The following GKAP1 variants were observed in gnomAD, a reference collection of about 807,000 sequenced individuals.
The protein encoded by GKAP1 is G kinase-anchoring protein 1.
Under a neutral mutation model 56.7 loss-of-function variants are expected in GKAP1, and 31 were observed. The observed-to-expected ratio is 0.55, with a 90% CI of 0.41 to 0.74. GKAP1 has a LOEUF of 0.74. Ranked by LOEUF, GKAP1 falls within the 30% of genes least tolerant of loss-of-function variation. The probability of loss-of-function intolerance (pLI) is 0.00; values close to 1 mark genes in which losing one functional copy is unlikely to be tolerated. For missense variants in GKAP1, 364 were observed against 402.3 expected, an observed-to-expected ratio of 0.90 and a Z score of 0.82; for synonymous variants, 151 against 138.6, an observed-to-expected ratio of 1.09 and a Z score of -0.63.
At chr9:83,816,960 G>C (rs1030772221) in intron 2 of GKAP1, 36 bp downstream of exon 2, 48 of 151,464 alleles carry the variant, frequency 3.2e-4, no homozygotes, top group Middle Eastern at 3.4e-3. Flanking sequence ...CGGGGGAGGA[G>C]GAGGAGCACT....
Position 83,768,887 on chromosome 9 carries a change from T to G in GKAP1, c.669A>C (p.Arg223Ser). 6.2e-7 allele frequency: 1 copy of G among 1,612,156 alleles called. No individual in the cohort carries two copies. Among genetic ancestry groups the G allele is most frequent in the Non-Finnish European group, 8.5e-7 (1 of 1,178,926 alleles). Residue 223 changes from arginine to serine, a missense_variant, in exon 8 of 13, where the codon AGA (arginine) becomes AGC (serine). Transcript: ENST00000376371. The stretch of plus-strand genomic sequence containing the variant: ...CTGTAAGCTGTTCTCTTCGTTTTTC[T>G]CTAATAAGAATTTTATGAACATCAT... ...LEDDVHKILI[R>S]EKRREQLTEY...
intron 9 of GKAP1, among the ~76,000 whole-genome samples, chr9:83,750,809 C>G (rs1943376592): frequency 6.6e-6 from 1 of 152,062 alleles, no homozygotes; most frequent in Admixed American, 6.6e-5. Context: ...CACTTACCTT[C>G]TAAAGATTTT....
In GKAP1 at chr9:83,799,256, G is replaced by T. The variant is rs781224571; in HGVS notation, c.289C>A (p.Pro97Thr). Reference protein sequence around the residue: ...HAVCNAQHDLPLSNPVQKDSR... With the variant: ...HAVCNAQHDLTLSNPVQKDSR... ...TCCTTCTGTACTGGGTTTGACAATGGAAGATCATGTTGAGCGTTACAAACA... is the reference window on the plus strand; with the variant it reads ...TCCTTCTGTACTGGGTTTGACAATGTAAGATCATGTTGAGCGTTACAAACA... The change falls in exon 4 of 13, where the codon CCA (proline) becomes ACA (threonine). Residue 97 changes from proline (P) to threonine (T), a missense_variant. Transcript: ENST00000376371. The T allele has an allele frequency of 6.2e-7, 1 of 1,609,066 alleles. No individual in the cohort carries two copies. The highest frequency in any genetic ancestry group is 8.5e-7 in the Non-Finnish European group (1 of 1,178,294).
At chr9:83,739,942 T>G (rs1943178968) in intron 12 of GKAP1, among the ~76,000 whole-genome samples, 198 bp from the exon 13 acceptor site, 1 of 152,140 alleles carries the variant, frequency 6.6e-6, no homozygotes, top group South Asian at 2.1e-4. Flanking sequence ...TAAGGTTGGT[T>G]TTAGAAAAGT....
At chr9:83,813,391 T>C (rs1944538726) in intron 2 of GKAP1, among the ~76,000 whole-genome samples, 1 of 152,216 alleles carries the variant, frequency 6.6e-6, no homozygotes. Flanking sequence ...AAATCAGGTT[T>C]TTGGTGCAGA....
At chr9:83,811,968 C>A (rs545002974) in intron 2 of GKAP1, among the ~76,000 whole-genome samples, 1 of 151,110 alleles carries the variant, frequency 6.6e-6, no homozygotes, top group Non-Finnish European at 1.5e-5. Context: ...AAAGGTACAA[C>A]GACCAGTACT....
At position 83,751,078 on chromosome 9, in the gene GKAP1, G is replaced by A. The variant is rs559536920; in HGVS notation, c.840+2180C>T. ...TCTTGATCTCCTGACCTCGTGATCC[G>A]CCTGCCCCGGCCTCCCAAAGTGCTG... On this transcript the variant is annotated intron_variant, in intron 9 of 12. Coordinates refer to ENST00000376371, the MANE Select transcript of GKAP1 (RefSeq NM_025211.4). Among the ~76,000 whole-genome samples, 389 of 152,138 alleles carry A rather than the reference G, an allele frequency of 2.6e-3. 3 individuals carry two copies. The highest frequency in any genetic ancestry group is 3.4e-3 in the Middle Eastern group (1 of 294).
intron 8 of GKAP1, 79 bp from the exon 9 acceptor site, chr9:83,753,438 T>A: frequency 1.0e-6 from 1 of 961,484 alleles, no homozygotes; most frequent in Non-Finnish European, 1.6e-6. Context: ...GTGAAAAGTT[T>A]AAGAGGAAAA....
chr9:83,782,167 C>CAAA (rs1943985008), intron 6 of GKAP1, among the ~76,000 whole-genome samples: 1 of 151,084 alleles, frequency 6.6e-6, no homozygotes, highest in African/African-American at 2.4e-5. Flanking sequence ...TTTTAAGAGA[C>CAAA]AAGATCTCAC....
chr9:83,770,648 C>T (rs1943742649), intron 7 of GKAP1, among the ~76,000 whole-genome samples: 1 of 151,916 alleles, frequency 6.6e-6, no homozygotes, highest in Non-Finnish European at 1.5e-5. Flanking sequence ...CCTCTTCCTC[C>T]CAGGCCAGGT....
intron 8 of GKAP1, among the ~76,000 whole-genome samples, chr9:83,762,623 G>C (rs1253562624): frequency 6.6e-6 from 1 of 151,894 alleles, no homozygotes; most frequent in Non-Finnish European, 1.5e-5. Context: ...GAAAACTGAA[G>C]GAATCATGTT....
intron 7 of GKAP1, among the ~76,000 whole-genome samples, chr9:83,774,423 G>A (rs1357342608): frequency 3.3e-5 from 5 of 151,404 alleles, no homozygotes; most frequent in Non-Finnish European, 1.5e-5. Context: ...ACAACATGGC[G>A]AAACCCTGTC....
rs752945922 is a variant in GKAP1, at chr9:83,742,566, A to G, written c.939T>C (p.Asp313=). The G allele has an allele frequency of 1.1e-5, 18 of 1,612,612 alleles. No homozygotes were observed. The highest frequency in any genetic ancestry group is 1.5e-5 in the Non-Finnish European group (18 of 1,179,546). Residue 313 remains aspartate, a synonymous_variant, in exon 11 of 13, where the codon GAT becomes GAC. Transcript: ENST00000376371. ...KDKAEILLQV[D]ESQSIKNELT... is the part of the protein sequence containing the mutation. Reference sequence around the variant, plus strand: ...GCTCATTCTTGATACTTTGTGATTCATCAACTTGCAGAAGTATTTCTGCCT... The same window carrying G: ...GCTCATTCTTGATACTTTGTGATTCGTCAACTTGCAGAAGTATTTCTGCCT...
At chr9:83,804,558 G>A (rs1392856698) in intron 3 of GKAP1, among the ~76,000 whole-genome samples, 6 of 63,772 alleles carry the variant, frequency 9.4e-5, no homozygotes, top group East Asian at 9.9e-4. Flanking sequence ...CAGACGCCCC[G>A]TCCGGGAGGG....
chr9:83,745,072 C>T (rs1437460396), intron 10 of GKAP1, among the ~76,000 whole-genome samples: 1 of 152,198 alleles, frequency 6.6e-6, no homozygotes, highest in African/African-American at 2.4e-5. Context: ...GGGTCTCACT[C>T]TGTTGCCCAG....
intron 8 of GKAP1, among the ~76,000 whole-genome samples, chr9:83,754,815 T>G (rs886285957): frequency 1.3e-5 from 2 of 152,176 alleles, no homozygotes; most frequent in African/African-American, 4.8e-5. Context: ...CTAGGTTAGA[T>G]TTGACTGTGT....
At chr9:83,812,913 T>C (rs1944532111) in intron 2 of GKAP1, among the ~76,000 whole-genome samples, 2 of 152,180 alleles carry the variant, frequency 1.3e-5, no homozygotes, top group South Asian at 4.1e-4. Flanking sequence ...CTACCCTCGT[T>C]AACTAATTTT....
intron 9 of GKAP1, among the ~76,000 whole-genome samples, chr9:83,749,880 T>C (rs1943358462): frequency 6.6e-6 from 1 of 152,068 alleles, no homozygotes; most frequent in Non-Finnish European, 1.5e-5. Flanking sequence ...AGCTCAGAAA[T>C]GAACAAGGGA....
At chr9:83,816,510 T>C (rs138924190) in intron 2 of GKAP1, among the ~76,000 whole-genome samples, 10 of 152,364 alleles carry the variant, frequency 6.6e-5, no homozygotes, top group East Asian at 1.9e-4. Flanking sequence ...GAAGCTACTA[T>C]AGTGTTATAA....
Sources: allele counts gnomAD v4.1 joint callset (sites outside exome capture counted in the v4.1 genomes callset), GRCh38; gene constraint gnomAD v4.1.1; transcripts MANE v1.5; gene names NCBI Gene and HGNC (gene_info 2026-07-23, HGNC 2026-07-21).